Variants in PTK2 observed in about 807,000 individuals in gnomAD.
PTK2 encodes the protein focal adhesion kinase 1.
In PTK2, 45 loss-of-function variants were observed where a neutral mutation model predicts 150.1. That is an observed-to-expected ratio of 0.30 (90% confidence interval 0.24 to 0.38). The LOEUF is 0.38. PTK2 is among the 10% of genes least tolerant of loss of function. The pLI is 1.00. For missense variants in PTK2, 919 were observed against 1,307.3 expected, an observed-to-expected ratio of 0.70 and a Z score of 4.58; for synonymous variants, 432 against 449.2, an observed-to-expected ratio of 0.96 and a Z score of 0.48.
chr8:140,868,231 G>C (rs1041339452), intron 4 of PTK2, among the ~76,000 whole-genome samples: 3 of 152,168 alleles, frequency 2.0e-5, no homozygotes, highest in Non-Finnish European at 4.4e-5. Flanking sequence ...ACTGAGAAGG[G>C]TTAGCTAGCT....
intron 2 of PTK2, among the ~76,000 whole-genome samples, chr8:140,914,943 GAATCGCTT>G (rs2100164628): frequency 7.1e-6 from 1 of 140,976 alleles, no homozygotes; most frequent in Non-Finnish European, 1.5e-5. Flanking sequence ...TGAGGCAGGA[GAATCGCTT>G]GAACCCGGGA....
chr8:140,877,091 G>A (rs963383285), intron 4 of PTK2, among the ~76,000 whole-genome samples: 2 of 135,336 alleles, frequency 1.5e-5, no homozygotes, highest in Non-Finnish European at 3.1e-5. Context: ...GCAGTGCAAT[G>A]GCATGATCTC....
intron 7 of PTK2, among the ~76,000 whole-genome samples, chr8:140,832,093 C>T (rs2100115764): frequency 6.6e-6 from 1 of 152,160 alleles, no homozygotes; most frequent in Non-Finnish European, 1.5e-5. Context: ...CTCGCTTTGT[C>T]ACCCAGGCCA....
intron 1 of PTK2, among the ~76,000 whole-genome samples, chr8:140,958,098 C>T (rs1308782401): frequency 6.6e-6 from 1 of 151,960 alleles, no homozygotes; most frequent in African/African-American, 2.4e-5. Flanking sequence ...TATGATTTAC[C>T]AATATCTTCT....
At position 140,895,545 on chromosome 8, in the gene PTK2, G is replaced by A. The variant is rs140081776; in HGVS notation, c.-32-4776C>T. ...TCCTTTAAAAAAAAAAAAAAATTACGTATTTAAATTCATGTATTAGAAGCG... is the reference window on the plus strand; with the variant it reads ...TCCTTTAAAAAAAAAAAAAAATTACATATTTAAATTCATGTATTAGAAGCG... On this transcript the variant is annotated intron_variant, in intron 2 of 31. Coordinates refer to ENST00000522684, the Ensembl canonical transcript of PTK2. Among the ~76,000 whole-genome samples, 6 of 151,198 alleles carry A rather than the reference G, an allele frequency of 4.0e-5. No individual in the cohort carries two copies. In the East Asian group the frequency reaches 7.8e-4, roughly 20 times the overall value.
At chr8:140,947,080 C>T (rs183750959) in intron 1 of PTK2, among the ~76,000 whole-genome samples, 14 of 152,278 alleles carry the variant, frequency 9.2e-5, no homozygotes, top group African/African-American at 2.9e-4. Flanking sequence ...TAAAAAAATT[C>T]GTACATTCTA....
chr8:140,718,149 C>A, intron 22 of PTK2: 1 of 161,218 alleles, frequency 6.2e-6, no homozygotes, highest in Non-Finnish European at 1.4e-5. Flanking sequence ...AGCAATCTGG[C>A]CAATAATCTC....
At chr8:140,815,069 C>T (rs758844996) in intron 10 of PTK2, among the ~76,000 whole-genome samples, 34 of 152,194 alleles carry the variant, frequency 2.2e-4, no homozygotes, top group Admixed American at 2.6e-4. Flanking sequence ...CCACCGCGCC[C>T]GGCCAAATTG....
At chr8:140,658,386 A>C (rs2075240079) in exon 32 of PTK2, 2 of 180,400 alleles carry the variant, frequency 1.1e-5, no homozygotes, top group South Asian at 3.9e-4. Flanking sequence ...AAAAGAAAGG[A>C]TATTACAACA....
intron 16 of PTK2, among the ~76,000 whole-genome samples, chr8:140,754,360 G>A (rs538274428): frequency 6.6e-6 from 1 of 152,288 alleles, no homozygotes; most frequent in East Asian, 1.9e-4. Flanking sequence ...CTTTGAATGA[G>A]TCAGTCTTGT....
At chr8:140,732,902 A>C (rs1592711454) in intron 22 of PTK2, among the ~76,000 whole-genome samples, 2 of 152,130 alleles carry the variant, frequency 1.3e-5, no homozygotes, top group Non-Finnish European at 2.9e-5. Context: ...ATGAAGAAGG[A>C]GGCATTCTGG....
chr8:140,831,229 CT>C, intron 7 of PTK2, among the ~76,000 whole-genome samples: 1 of 152,290 alleles, frequency 6.6e-6, no homozygotes, highest in East Asian at 1.9e-4. Flanking sequence ...ATAGCTGATT[CT>C]TTTCCTAGTA....
At chr8:140,996,022 G>A (rs1005362569) in intron 1 of PTK2, among the ~76,000 whole-genome samples, 1 of 151,948 alleles carries the variant, frequency 6.6e-6, no homozygotes, top group African/African-American at 2.4e-5. Flanking sequence ...GAGGCGGAGG[G>A]TGCAGTCAGC....
intron 2 of PTK2, among the ~76,000 whole-genome samples, chr8:140,902,942 T>TTG (rs1568518164): frequency 3.8e-5 from 5 of 131,958 alleles, no homozygotes; most frequent in East Asian, 2.1e-4. Flanking sequence ...TTTTTTTTTT[T>TTG]TTTTTTTTTT....
chr8:140,910,362 A>G (rs539613942), intron 2 of PTK2, among the ~76,000 whole-genome samples: 6 of 152,200 alleles, frequency 3.9e-5, no homozygotes, highest in Non-Finnish European at 5.9e-5. Flanking sequence ...ATCTCTCAAT[A>G]TAACAGTTTT....
chr8:140,935,781 C>T (rs2100173418), intron 1 of PTK2, among the ~76,000 whole-genome samples: 2 of 144,252 alleles, frequency 1.4e-5, no homozygotes, highest in Admixed American at 7.5e-5. Context: ...TGCCACTCTC[C>T]TGCCTCAGGC....
At chr8:140,989,225 A>AAAG (rs1370881096) in intron 1 of PTK2, among the ~76,000 whole-genome samples, 3 of 149,942 alleles carry the variant, frequency 2.0e-5, no homozygotes, top group Non-Finnish European at 3.0e-5. Context: ...AAAAAAAAAA[A>AAAG]AAAAAAAAAA....
rs546218019 is a variant in PTK2, at chr8:140,840,755, T to C, written c.593+5505A>G. 8.5e-5 allele frequency among the ~76,000 whole-genome samples: 13 copies of C among 152,254 alleles called. No individual in the cohort carries two copies. The South Asian group carries it at 2.3e-3, about 27-fold the overall frequency. On this transcript the variant is annotated intron_variant, in intron 7 of 31. Coordinates refer to ENST00000522684, the Ensembl canonical transcript of PTK2. ...AAATAAATAATAAAAGCGAGTCCAA[T>C]ATATCACGCATCCTAAGAAATACAG...
chr8:140,960,331 G>A (rs1242251578), intron 1 of PTK2, among the ~76,000 whole-genome samples: 1 of 148,882 alleles, frequency 6.7e-6, no homozygotes, highest in Middle Eastern at 3.5e-3. Flanking sequence ...CCAAGTAGCT[G>A]GCATGCGCTA....
Sources: gnomAD v4.1 joint callset for allele counts (sites outside exome capture counted in the v4.1 genomes callset) on GRCh38, gnomAD v4.1.1 for gene constraint, MANE v1.5 for transcripts, NCBI Gene and HGNC (gene_info 2026-07-23, HGNC 2026-07-21) for gene names.